ACSS3: variants seen among roughly 807,000 people sequenced by gnomAD.
ACSS3 encodes acyl-CoA synthetase short-chain family member 3, mitochondrial.
In ACSS3, 64 loss-of-function variants were observed where a neutral mutation model predicts 84.2. The ratio of observed to expected loss-of-function variants is 0.76; its 90% CI spans 0.62 to 0.94. The LOEUF (loss-of-function observed/expected upper bound fraction) is 0.94, where lower values mean the gene tolerates loss of function less well. ACSS3 is among the 40% of genes least tolerant of loss of function. The pLI, the probability that ACSS3 is intolerant of heterozygous loss-of-function variation, is 0.00. For synonymous variants in ACSS3, 317 were observed against 310.1 expected (o/e 1.02, Z -0.23); for missense variants, 815 against 867.6 (o/e 0.94, Z 0.76).
In ACSS3 at chr12:81,165,319, C is replaced by T. The variant is rs1000102842; in HGVS notation, c.1099-9469C>T. ...ATCAGATATGGCCTTCCACCAAAGG[C>T]TCTGACAATATATTCAAGGAATTAA... is the stretch of plus-strand genomic sequence containing the variant. On this transcript the variant is annotated intron_variant, in intron 7 of 15. Coordinates refer to ENST00000548058, the MANE Select transcript of ACSS3 (RefSeq NM_024560.4). 5.9e-5 allele frequency among the ~76,000 whole-genome samples: 9 copies of T among 152,212 alleles called. No individual in the cohort carries two copies. The South Asian group carries it at 1.9e-3, about 32-fold the overall frequency.
At chr12:81,239,725 G>C (rs12311688) in intron 13 of ACSS3, among the ~76,000 whole-genome samples, 63,050 of 151,680 alleles carry the variant, frequency 0.42, 13,920 homozygotes, top group Non-Finnish European at 0.5. Context: ...CATGACACAT[G>C]GGAATTATGG....
intron 7 of ACSS3, among the ~76,000 whole-genome samples, chr12:81,167,570 G>A (rs913596901): frequency 1.5e-4 from 23 of 152,138 alleles, no homozygotes; most frequent in African/African-American, 4.8e-4. Context: ...CCAGAGAGGA[G>A]GACCATGTAT....
chr12:81,141,307 G>A (rs1023349810), intron 4 of ACSS3, among the ~76,000 whole-genome samples: 2 of 152,234 alleles, frequency 1.3e-5, no homozygotes, highest in South Asian at 2.1e-4. Context: ...TAAGCCCAGT[G>A]GAATGGCTTT....
At chr12:81,213,215 A>T (rs1200666141) in intron 9 of ACSS3, among the ~76,000 whole-genome samples, 1 of 152,078 alleles carries the variant, frequency 6.6e-6, no homozygotes, top group East Asian at 1.9e-4. Flanking sequence ...GGGCTTTGGG[A>T]GTTCATAGGA....
chr12:81,163,030 G>A (rs758546695), intron 7 of ACSS3, among the ~76,000 whole-genome samples: 3 of 151,842 alleles, frequency 2.0e-5, no homozygotes, highest in Non-Finnish European at 4.4e-5. Flanking sequence ...GGCTGCAGCT[G>A]CGGCCCAGAG....
At chr12:81,165,446 C>T (rs1887354703) in intron 7 of ACSS3, among the ~76,000 whole-genome samples, 1 of 152,098 alleles carries the variant, frequency 6.6e-6, no homozygotes, top group African/African-American at 2.4e-5. Flanking sequence ...GAGATCGAGA[C>T]CATCCTGGCT....
chr12:81,206,724 T>TA (rs778060927), intron 9 of ACSS3, among the ~76,000 whole-genome samples: 4 of 152,138 alleles, frequency 2.6e-5, no homozygotes, highest in African/African-American at 4.8e-5. Flanking sequence ...TTTTTACTGA[T>TA]AATTTGAAAA....
intron 9 of ACSS3, among the ~76,000 whole-genome samples, chr12:81,208,945 C>A (rs913664861): frequency 6.6e-6 from 1 of 152,032 alleles, no homozygotes; most frequent in Non-Finnish European, 1.5e-5. Context: ...AGAATATATT[C>A]GATAAATACT....
chr12:81,134,159 G>A (rs893308874), intron 2 of ACSS3, among the ~76,000 whole-genome samples: 4 of 151,932 alleles, frequency 2.6e-5, no homozygotes, highest in Non-Finnish European at 5.9e-5. Flanking sequence ...AAACTATAAA[G>A]GCAGTAGAAA....
chr12:81,215,194 A>G (rs143278695), intron 9 of ACSS3, among the ~76,000 whole-genome samples: 134 of 152,154 alleles, frequency 8.8e-4, no homozygotes, highest in African/African-American at 3.0e-3. Context: ...GGAGTATTAG[A>G]TGGCTATGGA....
At position 81,259,242 on chromosome 12, in the gene ACSS3, AT is replaced by A. The variant is rs2136045566; in HGVS notation, c.*4322del. 1 of 270,722 alleles carries A rather than the reference AT, an allele frequency of 3.7e-6. No individual in the cohort carries two copies. The highest frequency in any genetic ancestry group is 3.7e-5 in the South Asian group (1 of 26,688). The allele number at this position is 270,722 out of a possible 1,614,324, so 16.8% of individuals were successfully genotyped here. Reference sequence around the variant, plus strand: ...TGGTAAAATACAAACAGTACTTGGAATTGTCAAATGTTTGCACTCGAGACTC... The same window carrying A: ...TGGTAAAATACAAACAGTACTTGGAATGTCAAATGTTTGCACTCGAGACTC... On this transcript the variant is annotated 3_prime_UTR_variant, in exon 16 of 16. Coordinates refer to ENST00000548058, the MANE Select transcript of ACSS3 (RefSeq NM_024560.4).
chr12:81,078,021 T>G, upstream of ACSS3: 2 of 1,332,370 alleles, frequency 1.5e-6, no homozygotes, highest in South Asian at 1.6e-5. Context: ...TGGGCTCACT[T>G]CGGAATTTGC....
At chr12:81,153,407 C>CA (rs537765971) in intron 7 of ACSS3, among the ~76,000 whole-genome samples, 1,339 of 82,806 alleles carry the variant, frequency 0.016, 17 homozygotes, top group African/African-American at 0.049. Flanking sequence ...GACTCCATCT[C>CA]AAAAAAAAAA....
At chr12:81,191,993 A>G (rs2031592772) in intron 8 of ACSS3, among the ~76,000 whole-genome samples, 1 of 152,212 alleles carries the variant, frequency 6.6e-6, no homozygotes, top group Non-Finnish European at 1.5e-5. Context: ...TGTAGCAAAA[A>G]TAACTGATTT....
intron 2 of ACSS3, among the ~76,000 whole-genome samples, chr12:81,134,599 A>G (rs905900748): frequency 3.9e-5 from 6 of 152,270 alleles, no homozygotes; most frequent in African/African-American, 1.4e-4. Context: ...AGTTTATGTG[A>G]CATAATAATA....
At chr12:81,098,764 A>G (rs930133941) in intron 1 of ACSS3, among the ~76,000 whole-genome samples, 2 of 152,232 alleles carry the variant, frequency 1.3e-5, no homozygotes, top group African/African-American at 4.8e-5. Flanking sequence ...CTCAAAGCTC[A>G]GGCCTTAACA....
intron 8 of ACSS3, among the ~76,000 whole-genome samples, chr12:81,190,771 C>G (rs1440848076): frequency 6.6e-6 from 1 of 151,920 alleles, no homozygotes; most frequent in East Asian, 1.9e-4. Context: ...GAAAAGCTAT[C>G]AAATTAACAA....
At chr12:81,134,777 T>C (rs372085519) in intron 2 of ACSS3, 39 bp from the exon 3 acceptor site, 323 of 1,425,076 alleles carry the variant, frequency 2.3e-4, no homozygotes, top group Non-Finnish European at 2.9e-4. Context: ...GGTGAAATAA[T>C]ACAAAATACA....
chr12:81,233,568 AC>A, intron 13 of ACSS3, 97 bp downstream of exon 13: 1 of 1,458,672 alleles, frequency 6.9e-7, no homozygotes, highest in Non-Finnish European at 9.3e-7. Context: ...AAATTACCAC[AC>A]CCTTCATTTG....
Sources: allele counts gnomAD v4.1 joint callset (sites outside exome capture counted in the v4.1 genomes callset), GRCh38; gene constraint gnomAD v4.1.1; transcripts MANE v1.5; gene names NCBI Gene and HGNC (gene_info 2026-07-23, HGNC 2026-07-21).